ASAP1: variants seen among roughly 807,000 people sequenced by gnomAD.
ASAP1 encodes the protein ArfGAP with SH3 domain, ankyrin repeat and PH domain 1.
Under a neutral mutation model 145.2 loss-of-function variants are expected in ASAP1, and 43 were observed. The ratio of observed to expected loss-of-function variants is 0.30; its 90% CI spans 0.23 to 0.38. ASAP1 has a LOEUF of 0.38. ASAP1 is among the 10% of genes least tolerant of loss of function. The pLI, the probability that ASAP1 is intolerant of heterozygous loss-of-function variation, is 1.00. For missense variants in ASAP1, 1,018 were observed against 1,355.3 expected (o/e 0.75, Z 3.91); for synonymous variants, 546 against 515.5 (o/e 1.06, Z -0.80).
rs145743273 is a variant in ASAP1, at chr8:130,118,568, T to G, written c.1715A>C (p.Lys572Thr). ...AKLNELLEAI[K>T]SRDLLALIQV... The stretch of plus-strand genomic sequence containing the variant: ...AATTAGTGCAAGTAAATCCCTGGAT[T>G]TGATGGCCTCAAGCAATTCATTTAG... The change falls in exon 19 of 30, where the codon AAA becomes ACA. Residue 572 changes from lysine to threonine, a missense_variant. By Grantham distance (78) the Lys-to-Thr change is moderately conservative. Coordinates refer to ENST00000518721, the MANE Select transcript of ASAP1 (RefSeq NM_018482.4). 2 of 1,614,188 alleles carry G rather than the reference T, an allele frequency of 1.2e-6. No homozygotes were observed. Among genetic ancestry groups the G allele is most frequent in the African/African-American group, 1.3e-5 (1 of 75,072 alleles).
intron 13 of ASAP1, among the ~76,000 whole-genome samples, chr8:130,148,847 T>C (rs140252753): frequency 6.6e-6 from 1 of 152,154 alleles, no homozygotes; most frequent in African/African-American, 2.4e-5. Flanking sequence ...AAAACTTTTT[T>C]TTCTTGAGAC....
At chr8:130,425,574 G>C (rs1324119472) in intron 1 of ASAP1, among the ~76,000 whole-genome samples, 1 of 152,102 alleles carries the variant, frequency 6.6e-6, no homozygotes, top group East Asian at 1.9e-4. Context: ...GACCAGCAGA[G>C]GGAACAGACA....
intron 1 of ASAP1, among the ~76,000 whole-genome samples, chr8:130,434,567 G>A (rs1171686953): frequency 6.6e-6 from 1 of 152,078 alleles, no homozygotes; most frequent in Non-Finnish European, 1.5e-5. Flanking sequence ...CAAGTCCAGT[G>A]GTTTTCCCAC....
At chr8:130,396,792 T>C (rs1039419706) in intron 2 of ASAP1, among the ~76,000 whole-genome samples, 2 of 152,172 alleles carry the variant, frequency 1.3e-5, no homozygotes, top group Admixed American at 6.5e-5. Flanking sequence ...GGCATGATAA[T>C]GACAGGGCGT....
intron 9 of ASAP1, among the ~76,000 whole-genome samples, chr8:130,175,608 G>A (rs113141272): frequency 6.6e-6 from 1 of 151,924 alleles, no homozygotes; most frequent in African/African-American, 2.4e-5. Context: ...CTATTCTGTG[G>A]GTTGTCTTTT....
chr8:130,407,817 GT>G lies in ASAP1; in HGVS notation c.-27-5848del, dbSNP rs144714194. ...AATAGGTGTTTTTTATTCAACAGAA[GT>G]GACTCCACGAATGTTGGGATTTGTA... On this transcript the variant is annotated intron_variant, in intron 1 of 29. Transcript: ENST00000518721. 5.6e-4 allele frequency among the ~76,000 whole-genome samples: 86 copies of G among 152,294 alleles called. 1 individual carries two copies. In the East Asian group the frequency reaches 0.012, roughly 21 times the overall value.
At chr8:130,352,663 C>G (rs1384548583) in intron 3 of ASAP1, among the ~76,000 whole-genome samples, 1 of 152,058 alleles carries the variant, frequency 6.6e-6, no homozygotes, top group East Asian at 1.9e-4. Context: ...CCTAGCTGGA[C>G]AAAATACTTA....
At chr8:130,296,968 A>C (rs1822319075) in intron 3 of ASAP1, among the ~76,000 whole-genome samples, 1 of 152,116 alleles carries the variant, frequency 6.6e-6, no homozygotes, top group Non-Finnish European at 1.5e-5. Flanking sequence ...GAGAGGTAAG[A>C]GTTCCCACCT....
chr8:130,305,704 C>T (rs1822950748), intron 3 of ASAP1, among the ~76,000 whole-genome samples: 1 of 152,150 alleles, frequency 6.6e-6, no homozygotes, highest in Non-Finnish European at 1.5e-5. Flanking sequence ...CATCACTTAA[C>T]CATCTCCATT....
At chr8:130,163,781 G>T (rs1433020532) in intron 11 of ASAP1, among the ~76,000 whole-genome samples, 1 of 152,146 alleles carries the variant, frequency 6.6e-6, no homozygotes, top group Non-Finnish European at 1.5e-5. Flanking sequence ...ATGTATTCAG[G>T]AAACAGAAAA....
At position 130,333,408 on chromosome 8, in the gene ASAP1, C is replaced by A. The variant is rs140411972; in HGVS notation, c.186+24609G>T. ...CCTGAGGTCAGGAGTTCGGGACCAG[C>A]CTGACCAACATGGTGAAACCCTGTC... is the stretch of plus-strand genomic sequence containing the variant. On this transcript the variant is annotated intron_variant, in intron 3 of 29. Transcript: ENST00000518721. Among the ~76,000 whole-genome samples, 549 of 152,274 alleles carry A rather than the reference C, an allele frequency of 3.6e-3. 1 individual carries two copies. The highest frequency in any genetic ancestry group is 0.013 in the African/African-American group (523 of 41,568).
At chr8:130,422,495 T>C (rs183493297) in intron 1 of ASAP1, among the ~76,000 whole-genome samples, 25 of 152,338 alleles carry the variant, frequency 1.6e-4, no homozygotes, top group African/African-American at 5.3e-4. Context: ...CACAGTGTAC[T>C]TTCCCGCCTT....
intron 4 of ASAP1, among the ~76,000 whole-genome samples, chr8:130,232,136 C>T (rs752995925): frequency 6.6e-6 from 1 of 152,208 alleles, no homozygotes; most frequent in Non-Finnish European, 1.5e-5. Context: ...TTGAAGCTAT[C>T]TTGTCTATGG....
intron 3 of ASAP1, among the ~76,000 whole-genome samples, chr8:130,343,602 A>G (rs953454880): frequency 2.6e-5 from 4 of 152,358 alleles, no homozygotes; most frequent in Admixed American, 1.3e-4. Flanking sequence ...TGACAAATAT[A>G]TAAGAAATTT....
intron 3 of ASAP1, among the ~76,000 whole-genome samples, chr8:130,347,623 C>T (rs6415512): frequency 2.0e-5 from 3 of 151,994 alleles, no homozygotes; most frequent in Non-Finnish European, 4.4e-5. Context: ...AGGCTGAAGA[C>T]GAAGACTTAG....
intron 4 of ASAP1, 82 bp downstream of exon 4, chr8:130,236,840 A>C (rs1454643666): frequency 3.7e-6 from 4 of 1,073,680 alleles, no homozygotes; most frequent in South Asian, 3.5e-5. Context: ...TTTCCTATAA[A>C]CTTAACATCT....
intron 3 of ASAP1, among the ~76,000 whole-genome samples, chr8:130,331,372 T>C (rs1824678441): frequency 6.6e-6 from 1 of 152,150 alleles, no homozygotes; most frequent in East Asian, 1.9e-4. Flanking sequence ...AAAGGAACAC[T>C]GGCTCTGAGC....
chr8:130,086,436 C>T (rs542714144), intron 25 of ASAP1, among the ~76,000 whole-genome samples: 4 of 152,136 alleles, frequency 2.6e-5, no homozygotes, highest in Non-Finnish European at 5.9e-5. Flanking sequence ...ATATTACGTA[C>T]GTAGTTTTTT....
intron 3 of ASAP1, among the ~76,000 whole-genome samples, chr8:130,350,954 C>G (rs1020146110): frequency 6.6e-6 from 1 of 152,192 alleles, no homozygotes; most frequent in Non-Finnish European, 1.5e-5. Flanking sequence ...CAGGGTGGAG[C>G]TGGAAGCAAC....
Sources: gnomAD v4.1 joint callset for allele counts (sites outside exome capture counted in the v4.1 genomes callset) on GRCh38, gnomAD v4.1.1 for gene constraint, MANE v1.5 for transcripts, NCBI Gene and HGNC (gene_info 2026-07-23, HGNC 2026-07-21) for gene names.